Variants in EIF4G3 observed in about 807,000 individuals in gnomAD.
EIF4G3 encodes eukaryotic translation initiation factor 4 gamma 3.
In EIF4G3, 34 loss-of-function variants were observed where a neutral mutation model predicts 186.4. That is an observed-to-expected ratio of 0.18 (90% CI 0.14 to 0.24). EIF4G3 has a LOEUF of 0.24. Ranked by LOEUF, EIF4G3 falls within the 10% of genes least tolerant of loss-of-function variation. The probability of loss-of-function intolerance (pLI) is 1.00; values close to 1 mark genes in which losing one functional copy is unlikely to be tolerated. For synonymous variants in EIF4G3, 673 were observed against 679.5 expected (o/e 0.99, Z 0.15); for missense variants, 1,536 against 1,948.5 (o/e 0.79, Z 3.99).
intron 30 of EIF4G3, 35 bp from the exon 31 acceptor site, chr1:20,829,307 A>T: frequency 1.2e-6 from 2 of 1,602,082 alleles, no homozygotes; most frequent in Non-Finnish European, 1.7e-6. Flanking sequence ...TCACATGCAA[A>T]TGTAATTCAA....
intron 6 of EIF4G3, among the ~76,000 whole-genome samples, chr1:20,998,579 T>TTAA: frequency 6.6e-6 from 1 of 152,314 alleles, no homozygotes; most frequent in Admixed American, 6.5e-5. Flanking sequence ...TATGCAAATT[T>TTAA]TAACTGCTAA....
chr1:20,980,821 T>C (rs1570258441), intron 9 of EIF4G3, among the ~76,000 whole-genome samples: 1 of 152,168 alleles, frequency 6.6e-6, no homozygotes, highest in East Asian at 1.9e-4. Context: ...AGAAAGCAAG[T>C]AGATAAAAAC....
intron 3 of EIF4G3, among the ~76,000 whole-genome samples, chr1:21,063,780 G>A (rs2095073736): frequency 6.6e-6 from 1 of 150,640 alleles, no homozygotes; most frequent in African/African-American, 2.4e-5. Flanking sequence ...TGCAATCTTG[G>A]CTCACTGCAA....
intron 3 of EIF4G3, chr1:21,064,974 C>T (rs1350984971): frequency 6.6e-6 from 1 of 152,070 alleles, no homozygotes; most frequent in East Asian, 1.9e-4. Flanking sequence ...CTGGAGATTA[C>T]TGATATACAT....
intron 14 of EIF4G3, among the ~76,000 whole-genome samples, chr1:20,929,771 T>C (rs2095199820): frequency 6.6e-6 from 1 of 152,196 alleles, no homozygotes; most frequent in South Asian, 2.1e-4. Flanking sequence ...AATTCACCCA[T>C]GGTCACAGAG....
intron 2 of EIF4G3, among the ~76,000 whole-genome samples, chr1:21,117,187 C>A (rs1360612968): frequency 6.6e-6 from 1 of 152,028 alleles, no homozygotes; most frequent in Admixed American, 6.5e-5. Context: ...AGGCTAAAGG[C>A]ATTTTTGAAT....
chr1:21,033,597 T>C (rs1265024099), intron 4 of EIF4G3, among the ~76,000 whole-genome samples: 1 of 152,242 alleles, frequency 6.6e-6, no homozygotes, highest in Non-Finnish European at 1.5e-5. Flanking sequence ...GTTCAATTTA[T>C]GAAAGATCTC....
chr1:21,119,961 A>G (rs998722872), intron 2 of EIF4G3, among the ~76,000 whole-genome samples: 3 of 151,964 alleles, frequency 2.0e-5, no homozygotes, highest in African/African-American at 7.3e-5. Context: ...TGTCAGCTCT[A>G]TAGGTATAAA....
At chr1:21,062,966 C>T (rs1330555677) in intron 3 of EIF4G3, among the ~76,000 whole-genome samples, 1 of 152,146 alleles carries the variant, frequency 6.6e-6, no homozygotes. Context: ...TACCACACAG[C>T]AATCCAAACC....
At chr1:20,932,157 G>A (rs1349919919) in intron 14 of EIF4G3, among the ~76,000 whole-genome samples, 2 of 152,086 alleles carry the variant, frequency 1.3e-5, no homozygotes, top group Non-Finnish European at 2.9e-5. Context: ...TCAATCTCAT[G>A]AGCCAAGCTC....
At chr1:21,127,988 A>G (rs2097080364) in intron 2 of EIF4G3, among the ~76,000 whole-genome samples, 1 of 150,866 alleles carries the variant, frequency 6.6e-6, no homozygotes, top group South Asian at 2.1e-4. Flanking sequence ...GCAGATCACG[A>G]GGTCAGGAGA....
At chr1:21,104,880 T>TAA (rs144856695) in intron 2 of EIF4G3, among the ~76,000 whole-genome samples, 4 of 147,376 alleles carry the variant, frequency 2.7e-5, no homozygotes, top group Non-Finnish European at 3.0e-5. Flanking sequence ...TACACGCCCA[T>TAA]AAAAAAAAAA....
At position 20,939,314 on chromosome 1, in the gene EIF4G3, C is replaced by T. The variant is rs372468842; in HGVS notation, c.1663+2177G>A. On this transcript the variant is annotated intron_variant, in intron 14 of 36. Transcript: ENST00000602326. ...ATCACAAACCTCTGTTATTCCAAGT[C>T]ATTAAAAAAACAGTTCTTTCTTTTC... 2.1e-4 allele frequency among the ~76,000 whole-genome samples: 32 copies of T among 152,188 alleles called. No individual in the cohort carries two copies. The East Asian group carries it at 5.8e-3, about 28-fold the overall frequency.
At chr1:20,893,427 G>A (rs570081429) in intron 18 of EIF4G3, 90 bp downstream of exon 18, 113 of 1,338,722 alleles carry the variant, frequency 8.4e-5, no homozygotes, top group South Asian at 2.8e-4. Context: ...TAGAATCAAC[G>A]AATAAAAGCT....
intron 20 of EIF4G3, among the ~76,000 whole-genome samples, chr1:20,871,563 A>G (rs1196864166): frequency 6.6e-6 from 1 of 152,204 alleles, no homozygotes; most frequent in Non-Finnish European, 1.5e-5. Flanking sequence ...TTTCAAGCTA[A>G]TAATTACCTT....
chr1:20,956,803 C>T (rs546608660), intron 12 of EIF4G3, among the ~76,000 whole-genome samples: 6 of 152,034 alleles, frequency 3.9e-5, no homozygotes, highest in African/African-American at 9.6e-5. Flanking sequence ...GACAGGGTAT[C>T]GATATGTTGC....
intron 2 of EIF4G3, among the ~76,000 whole-genome samples, chr1:21,143,677 G>A (rs1044591690): frequency 3.9e-5 from 6 of 152,138 alleles, no homozygotes; most frequent in African/African-American, 1.4e-4. Context: ...TATACACTTT[G>A]GGAGGCCGAG....
At chr1:20,840,300 G>A (rs1014319825) in intron 30 of EIF4G3, among the ~76,000 whole-genome samples, 1 of 152,248 alleles carries the variant, frequency 6.6e-6, no homozygotes, top group Middle Eastern at 3.4e-3. Flanking sequence ...AGGCAGATAG[G>A]CAGACCTTAT....
chr1:20,890,223 T>C (rs968401014), intron 18 of EIF4G3, among the ~76,000 whole-genome samples: 13 of 152,096 alleles, frequency 8.5e-5, no homozygotes, highest in African/African-American at 2.9e-4. Flanking sequence ...TCTGCCCACC[T>C]CAGCCTCCCA....
Sources: allele counts gnomAD v4.1 joint callset (sites outside exome capture counted in the v4.1 genomes callset), GRCh38; gene constraint gnomAD v4.1.1; transcripts MANE v1.5; gene names NCBI Gene and HGNC (gene_info 2026-07-23, HGNC 2026-07-21).